Variants in ZFP64 observed in about 807,000 individuals in gnomAD.
ZFP64 encodes zinc finger protein 64.
In ZFP64, 14 loss-of-function variants were observed where a neutral mutation model predicts 51.6. The observed-to-expected ratio is 0.27, with a 90% confidence interval of 0.18 to 0.42. ZFP64 has a LOEUF of 0.42. Ranked by LOEUF, ZFP64 falls within the 10% of genes least tolerant of loss-of-function variation. The pLI, the probability that ZFP64 is intolerant of heterozygous loss-of-function variation, is 1.00. For synonymous variants in ZFP64, 375 were observed against 361.4 expected (o/e 1.04, Z -0.43); for missense variants, 754 against 906.8 (o/e 0.83, Z 2.16).
intron 5 of ZFP64, among the ~76,000 whole-genome samples, chr20:52,111,682 A>G (rs1410642889): frequency 6.6e-6 from 1 of 152,170 alleles, no homozygotes; most frequent in African/African-American, 2.4e-5. Context: ...TGAATTATAC[A>G]ACAGATTCTC....
intron 5 of ZFP64, among the ~76,000 whole-genome samples, chr20:52,141,483 T>G (rs967260561): frequency 1.9e-4 from 29 of 152,300 alleles, no homozygotes; most frequent in African/African-American, 6.3e-4. Flanking sequence ...AAGAAGTTGA[T>G]TCCAACCATC....
intron 5 of ZFP64, among the ~76,000 whole-genome samples, chr20:52,136,369 T>G (rs1004502656): frequency 2.6e-5 from 4 of 152,120 alleles, no homozygotes; most frequent in African/African-American, 9.7e-5. Context: ...AACCCCAGGT[T>G]GTTTTCAGTT....
At chr20:52,145,299 C>T (rs1980469228) in intron 5 of ZFP64, among the ~76,000 whole-genome samples, 1 of 152,208 alleles carries the variant, frequency 6.6e-6, no homozygotes, top group Non-Finnish European at 1.5e-5. Flanking sequence ...GTGCTGAGTA[C>T]TATAGGTAAT....
At chr20:52,189,142 C>CTT (rs2123142642) in intron 1 of ZFP64, among the ~76,000 whole-genome samples, 1 of 152,174 alleles carries the variant, frequency 6.6e-6, no homozygotes, top group South Asian at 2.1e-4. Flanking sequence ...TGGCTCACGC[C>CTT]TGTAACCCAG....
intron 5 of ZFP64, among the ~76,000 whole-genome samples, chr20:52,125,178 C>A (rs1156278564): frequency 6.6e-6 from 1 of 152,224 alleles, no homozygotes; most frequent in Non-Finnish European, 1.5e-5. Flanking sequence ...ACAACAGATG[C>A]AACCAGAGCT....
At chr20:52,098,474 T>C (rs2079015692) in exon 6 of ZFP64, 2 of 1,613,978 alleles carry the variant, frequency 1.2e-6, no homozygotes, top group Non-Finnish European at 8.5e-7. Context: ...TCTCCAAGGG[T>C]GGCCATTTGT....
In ZFP64 at chr20:52,152,586, C is replaced by G; in HGVS notation, c.1606G>C (p.Gly536Arg). The G allele has an allele frequency of 1.3e-6, 2 of 1,551,792 alleles. No homozygotes were observed. The highest frequency in any genetic ancestry group is 1.7e-6 in the Non-Finnish European group (2 of 1,152,592). Residue 536 changes from glycine to arginine, a missense_variant, in exon 6 of 6, where the codon GGG becomes CGG. Transcript: ENST00000216923. Reference sequence around the variant, plus strand: ...CGCAGGATCTGCAGCCGGCTGTTCCCTGGGAGTTCCTCTGGGTTCTGGGCC... The same window carrying G: ...CGCAGGATCTGCAGCCGGCTGTTCCGTGGGAGTTCCTCTGGGTTCTGGGCC... ...LVAQNPEELP[G>R]NSRLQILRQV...
rs187652030 is a variant in ZFP64, at chr20:52,126,669, G to A, written c.764-28082C>T. Among the ~76,000 whole-genome samples the A allele has an allele frequency of 1.3e-4, 20 of 152,254 alleles. No individual in the cohort carries two copies. The East Asian group carries it at 3.1e-3, about 23-fold the overall frequency. ...TCTGACTCTCCTTCTGGAGATACATGGTAACTTAGATTTGGCACAAAATGA... is the reference window on the plus strand; with the variant it reads ...TCTGACTCTCCTTCTGGAGATACATAGTAACTTAGATTTGGCACAAAATGA... On this transcript the variant is annotated intron_variant, in intron 5 of 8. Transcript: ENST00000361387.
At chr20:52,091,343 A>G (rs2078924572) in intron 7 of ZFP64, among the ~76,000 whole-genome samples, 1 of 152,160 alleles carries the variant, frequency 6.6e-6, no homozygotes, top group Non-Finnish European at 1.5e-5. Flanking sequence ...ACTTTAATAA[A>G]AGTTAAAAAT....
chr20:52,133,111 A>G (rs540305560), intron 5 of ZFP64, among the ~76,000 whole-genome samples: 2 of 152,338 alleles, frequency 1.3e-5, no homozygotes, highest in South Asian at 4.2e-4. Flanking sequence ...AAATCATTTG[A>G]TCATTTGAAA....
At chr20:52,144,590 A>AAAAG (rs1980426516) in intron 5 of ZFP64, among the ~76,000 whole-genome samples, 1 of 148,264 alleles carries the variant, frequency 6.7e-6, no homozygotes, top group Non-Finnish European at 1.5e-5. Context: ...AAAAAAAAAA[A>AAAAG]AAAAAAAAAA....
chr20:52,111,942 G>A, intron 5 of ZFP64, among the ~76,000 whole-genome samples: 1 of 151,992 alleles, frequency 6.6e-6, no homozygotes, highest in East Asian at 1.9e-4. Flanking sequence ...AATTAGCTGG[G>A]ATTGGTGGTG....
chr20:52,142,392 A>ACG (rs780133845), intron 5 of ZFP64, among the ~76,000 whole-genome samples: 26 of 108,414 alleles, frequency 2.4e-4, no homozygotes, highest in African/African-American at 6.6e-4. Flanking sequence ...ACACACACAC[A>ACG]CACACACACA....
At chr20:52,104,518 G>A (rs2079088929) in intron 5 of ZFP64, 7 of 361,140 alleles carry the variant, frequency 1.9e-5, no homozygotes, top group South Asian at 4.1e-5. Flanking sequence ...CAAGGCTCAC[G>A]GCCGTCCCCC....
chr20:52,123,102 T>C (rs949033161), intron 5 of ZFP64, among the ~76,000 whole-genome samples: 2 of 152,126 alleles, frequency 1.3e-5, no homozygotes, highest in African/African-American at 4.8e-5. Context: ...GTGATTCTCC[T>C]GCCTCAGCCT....
intron 6 of ZFP64, chr20:52,098,311 T>C (rs1162126135): frequency 7.5e-7 from 1 of 1,336,378 alleles, no homozygotes; most frequent in African/African-American, 1.5e-5. Context: ...TGTTGTGTGC[T>C]GATGTAGATA....
intron 5 of ZFP64, among the ~76,000 whole-genome samples, chr20:52,128,358 T>C (rs1194474928): frequency 8.5e-5 from 13 of 152,218 alleles, no homozygotes; most frequent in Admixed American, 7.8e-4. Context: ...TGCCCCATTA[T>C]GGTGGTGCCC....
intron 5 of ZFP64, among the ~76,000 whole-genome samples, chr20:52,123,295 C>T (rs1159914499): frequency 6.6e-6 from 1 of 152,200 alleles, no homozygotes. Context: ...GCATGAGCTG[C>T]TGCGCCCAGC....
chr20:52,171,410 C>T (rs1430816149), intron 2 of ZFP64, among the ~76,000 whole-genome samples: 6 of 151,784 alleles, frequency 4.0e-5, no homozygotes, highest in South Asian at 2.1e-4. Flanking sequence ...TATGTGTATG[C>T]GTATGTGTAT....
Sources: allele counts gnomAD v4.1 joint callset (sites outside exome capture counted in the v4.1 genomes callset), GRCh38; gene constraint gnomAD v4.1.1; transcripts MANE v1.5; gene names NCBI Gene and HGNC (gene_info 2026-07-23, HGNC 2026-07-21).